The following URI1 variants were observed in gnomAD, a reference collection of about 807,000 sequenced individuals.
URI1 encodes URI1 prefoldin like chaperone.
Under a neutral mutation model 60.2 loss-of-function variants are expected in URI1, and 39 were observed. That is an observed-to-expected ratio of 0.65 (90% CI 0.50 to 0.85). URI1 has a LOEUF of 0.85. Among genes scored for constraint, URI1 ranks in the 40% least tolerant of loss-of-function variants. URI1 has a pLI of 0.00. For missense variants in URI1, 691 were observed against 665.9 expected (o/e 1.04, Z -0.42); for synonymous variants, 251 against 236.8 (o/e 1.06, Z -0.55).
intron 1 of URI1, among the ~76,000 whole-genome samples, chr19:29,936,757 C>A (rs998897938): frequency 1.6e-4 from 25 of 151,754 alleles, no homozygotes; most frequent in African/African-American, 5.8e-4. Flanking sequence ...TTCATTTTTC[C>A]TTTTCTTTTT....
chr19:29,935,714 T>TTTTTTTTTTTTTTTTTTTTTTTC (rs2054964136), intron 1 of URI1, among the ~76,000 whole-genome samples: 4 of 149,240 alleles, frequency 2.7e-5, no homozygotes, highest in East Asian at 2.0e-4. Flanking sequence ...TTTTTTTTTT[T>TTTTTTTTTTTTTTTTTTTTTTTC]CCCCAGGACT....
chr19:29,933,627 C>T (rs933743716), intron 1 of URI1, among the ~76,000 whole-genome samples: 1 of 151,930 alleles, frequency 6.6e-6, no homozygotes, highest in Non-Finnish European at 1.5e-5. Flanking sequence ...TCAAGATCAG[C>T]TTGGGCAACA....
At chr19:29,973,288 A>G (rs2055481344) in intron 2 of URI1, among the ~76,000 whole-genome samples, 1 of 152,178 alleles carries the variant, frequency 6.6e-6, no homozygotes, top group African/African-American at 2.4e-5. Flanking sequence ...GGAAATCACG[A>G]TAATTTTGTG....
chr19:30,003,891 A>T (rs77055544), intron 4 of URI1, among the ~76,000 whole-genome samples: 1 of 152,110 alleles, frequency 6.6e-6, no homozygotes, highest in Non-Finnish European at 1.5e-5. Flanking sequence ...CTGGTTAGAC[A>T]CATTATCTGA....
At chr19:29,975,389 A>G (rs535168066) in intron 2 of URI1, among the ~76,000 whole-genome samples, 46 of 152,286 alleles carry the variant, frequency 3.0e-4, no homozygotes, top group African/African-American at 9.6e-4. Context: ...TAAATAAAAA[A>G]TATTTAATGA....
At chr19:29,931,949 G>C (rs1398505788) in intron 1 of URI1, among the ~76,000 whole-genome samples, 1 of 44,922 alleles carries the variant, frequency 2.2e-5, no homozygotes, top group Non-Finnish European at 5.0e-5. Context: ...TGTGTGTGTT[G>C]GGTGGGTATT....
chr19:29,963,657 G>T (rs2055353866), intron 1 of URI1, among the ~76,000 whole-genome samples: 1 of 152,062 alleles, frequency 6.6e-6, no homozygotes, highest in Non-Finnish European at 1.5e-5. Context: ...ACTAAATCCT[G>T]GGATTGTGTC....
rs771884253 is a variant in URI1, at chr19:30,012,347, G to A, written c.1241G>A (p.Ser414Asn). The change falls in exon 10 of 11, where the codon AGT becomes AAT. Residue 414 changes from serine to asparagine, a missense_variant. Physicochemically the swap from Ser to Asn is conservative, Grantham distance 46. Transcript: ENST00000392271. ...VPRKSILKSR[S>N]RENSVCSDTS... ...CGCAAATCCATCCTGAAGTCTCGAA[G>A]TAGAGAGAATAGTGTGTGTAGCGAC... 2 of 1,614,200 alleles carry A rather than the reference G, an allele frequency of 1.2e-6. No individual in the cohort carries two copies. The highest frequency in any genetic ancestry group is 2.2e-5 in the South Asian group (2 of 91,088).
intron 1 of URI1, among the ~76,000 whole-genome samples, chr19:29,950,782 A>G (rs1324745666): frequency 6.6e-6 from 1 of 152,194 alleles, no homozygotes; most frequent in African/African-American, 2.4e-5. Context: ...GCAAGAGCCA[A>G]TCAGAGATTA....
chr19:29,996,419 G>A (rs1393267902), intron 4 of URI1, among the ~76,000 whole-genome samples: 2 of 152,056 alleles, frequency 1.3e-5, no homozygotes, highest in African/African-American at 4.8e-5. Flanking sequence ...TGATTTTTGT[G>A]TGTTGATTTT....
rs2056072910 is a variant in URI1 at position 30,015,309 on chromosome 19, C to G, written c.*240C>G. On this transcript the variant is annotated 3_prime_UTR_variant, in exon 11 of 11. Coordinates refer to ENST00000392271, the MANE Select transcript of URI1 (RefSeq NM_003796.3). ...TGTCAACACTCTTATCTAAGTTTGC[C>G]TTTATGATGCAGTGGCAGCATTTTG... 7.1e-7 allele frequency: 1 copy of G among 1,412,226 alleles called. No homozygotes were observed. Among genetic ancestry groups the G allele is most frequent in the Non-Finnish European group, 9.2e-7 (1 of 1,089,272 alleles). The allele number at this position is 1,412,226 out of a possible 1,614,324, so 87.5% of individuals were successfully genotyped here.
At chr19:29,960,661 G>A (rs2055311223) in intron 1 of URI1, among the ~76,000 whole-genome samples, 1 of 152,042 alleles carries the variant, frequency 6.6e-6, no homozygotes, top group Admixed American at 6.5e-5. Flanking sequence ...GGTTCGAAGT[G>A]TGTCTTATAA....
Position 29,984,803 on chromosome 19 carries a change from C to T in URI1, c.153-420C>T, listed in dbSNP as rs190446842. Among the ~76,000 whole-genome samples, 320 of 152,156 alleles carry T rather than the reference C, an allele frequency of 2.1e-3. 1 individual carries two copies. The highest frequency in any genetic ancestry group is 3.5e-3 in the Non-Finnish European group (238 of 68,000). ...GATTACAGGCGTGAGCCACCACACA[C>T]GACTGAAAGAAGAGATTTAATAAAG... is the stretch of plus-strand genomic sequence containing the variant. On this transcript the variant is annotated intron_variant, in intron 2 of 10. Transcript: ENST00000392271.
At chr19:29,931,948 T>TGTGTGTGTGTG in intron 1 of URI1, among the ~76,000 whole-genome samples, 1 of 37,738 alleles carries the variant, frequency 2.6e-5, no homozygotes, top group Non-Finnish European at 6.0e-5. Context: ...GTGTGTGTGT[T>TGTGTGTGTGTG]GGGTGGGTAT....
intron 1 of URI1, among the ~76,000 whole-genome samples, chr19:29,951,206 A>G (rs188645441): frequency 2.0e-5 from 3 of 152,240 alleles, no homozygotes; most frequent in African/African-American, 7.2e-5. Flanking sequence ...GTTGCTAACC[A>G]CTTGTTTAAG....
chr19:30,009,366 T>C lies in URI1; in HGVS notation c.1035+13T>C. 1 of 1,588,944 alleles carries C rather than the reference T, an allele frequency of 6.3e-7. No individual in the cohort carries two copies. The highest frequency in any genetic ancestry group is 8.6e-7 in the Non-Finnish European group (1 of 1,164,012). ...TGAGCCTAAGAGGGTTTGTATACTTTTAACTTTACTAATTTTGCATATAAT... is the reference window on the plus strand; with the variant it reads ...TGAGCCTAAGAGGGTTTGTATACTTCTAACTTTACTAATTTTGCATATAAT... On this transcript the variant is annotated intron_variant, in intron 8 of 10. Coordinates refer to ENST00000392271, the MANE Select transcript of URI1 (RefSeq NM_003796.3).
At chr19:29,992,242 G>C (rs1246385387) in intron 4 of URI1, among the ~76,000 whole-genome samples, 1 of 152,054 alleles carries the variant, frequency 6.6e-6, no homozygotes, top group Non-Finnish European at 1.5e-5. Context: ...GCTAATCTTT[G>C]TATTTTTTAT....
intron 4 of URI1, among the ~76,000 whole-genome samples, chr19:29,989,623 A>G (rs112656819): frequency 6.6e-6 from 1 of 151,994 alleles, no homozygotes; most frequent in African/African-American, 2.4e-5. Context: ...GGGTTTCACC[A>G]TGTTGGTCAG....
chr19:29,993,343 C>G (rs2055769569), intron 4 of URI1, among the ~76,000 whole-genome samples: 1 of 152,154 alleles, frequency 6.6e-6, no homozygotes, highest in Non-Finnish European at 1.5e-5. Context: ...GTTTGTAGAT[C>G]ACTGCACACT....
Sources: gnomAD v4.1 joint callset for allele counts (sites outside exome capture counted in the v4.1 genomes callset) on GRCh38, gnomAD v4.1.1 for gene constraint, MANE v1.5 for transcripts, NCBI Gene and HGNC (gene_info 2026-07-23, HGNC 2026-07-21) for gene names.